ERC2: variants seen among roughly 807,000 people sequenced by gnomAD.
ERC2 encodes ELKS/RAB6-interacting/CAST family member 2, also known as ERC protein 2.
ERC2 carries 42 observed loss-of-function variants against 114.8 expected under a neutral mutation model. That is an observed-to-expected ratio of 0.37 (90% confidence interval 0.29 to 0.47). ERC2 has a LOEUF of 0.47. ERC2 is among the 20% of genes least tolerant of loss of function. ERC2 has a pLI of 0.99. For missense variants in ERC2, 939 were observed against 1,150.7 expected, an observed-to-expected ratio of 0.82 and a Z score of 2.66; for synonymous variants, 454 against 425.5, an observed-to-expected ratio of 1.07 and a Z score of -0.82.
intron 6 of ERC2, among the ~76,000 whole-genome samples, chr3:56,106,939 C>T (rs549299151): frequency 1.2e-4 from 19 of 152,250 alleles, no homozygotes; most frequent in South Asian, 2.1e-4. Flanking sequence ...CTAATCACCA[C>T]GGTGAATCAA....
intron 9 of ERC2, among the ~76,000 whole-genome samples, chr3:56,008,029 G>C (rs1162300771): frequency 6.6e-6 from 1 of 152,078 alleles, no homozygotes; most frequent in African/African-American, 2.4e-5. Context: ...TAAATAACTT[G>C]CATATATCAC....
chr3:55,799,841 C>T (rs2070895562), intron 14 of ERC2, among the ~76,000 whole-genome samples: 1 of 152,196 alleles, frequency 6.6e-6, no homozygotes, highest in South Asian at 2.1e-4. Context: ...CCATTTTGGG[C>T]TCTTCGTTCC....
intron 15 of ERC2, among the ~76,000 whole-genome samples, chr3:55,704,151 C>T (rs2063363006): frequency 2.6e-5 from 4 of 152,170 alleles, no homozygotes; most frequent in Admixed American, 2.6e-4. Flanking sequence ...GCCAGATACT[C>T]CAACTCTTTT....
chr3:56,216,299 G>T (rs2049465901), intron 3 of ERC2, among the ~76,000 whole-genome samples: 1 of 152,146 alleles, frequency 6.6e-6, no homozygotes, highest in Non-Finnish European at 1.5e-5. Flanking sequence ...AATAAAAAAT[G>T]ATAAAGGGGA....
chr3:56,050,026 A>T (rs2075689260), intron 7 of ERC2, among the ~76,000 whole-genome samples: 1 of 152,194 alleles, frequency 6.6e-6, no homozygotes, highest in Non-Finnish European at 1.5e-5. Flanking sequence ...TATTGGGACG[A>T]AGGAGCAGAT....
At chr3:55,543,143 T>A (rs932397773) in intron 17 of ERC2, among the ~76,000 whole-genome samples, 2 of 152,106 alleles carry the variant, frequency 1.3e-5, no homozygotes, top group Admixed American at 6.5e-5. Flanking sequence ...CTGAACTCCA[T>A]CAGACCTCGT....
chr3:55,955,994 G>C (rs1449502618), intron 12 of ERC2, among the ~76,000 whole-genome samples: 2 of 152,156 alleles, frequency 1.3e-5, no homozygotes, highest in African/African-American at 4.8e-5. Context: ...TAGGGTGATT[G>C]TGAGGGGTTG....
At chr3:56,056,580 A>T (rs563967135) in intron 7 of ERC2, among the ~76,000 whole-genome samples, 1 of 152,250 alleles carries the variant, frequency 6.6e-6, no homozygotes, top group Non-Finnish European at 1.5e-5. Context: ...GGGCCTTGTG[A>T]GAGAGTTGGG....
intron 6 of ERC2, among the ~76,000 whole-genome samples, chr3:56,100,640 T>G (rs1300486254): frequency 6.6e-6 from 1 of 152,218 alleles, no homozygotes; most frequent in East Asian, 1.9e-4. Context: ...CTTCCTCATA[T>G]GGCAAATTTC....
chr3:55,699,006 C>T (rs1485197226), intron 16 of ERC2, among the ~76,000 whole-genome samples: 2 of 152,112 alleles, frequency 1.3e-5, no homozygotes, highest in South Asian at 2.1e-4. Context: ...AAGTGCTCAG[C>T]GAACTCAAGG....
intron 17 of ERC2, among the ~76,000 whole-genome samples, chr3:55,665,066 T>G (rs1294070140): frequency 6.6e-6 from 1 of 152,164 alleles, no homozygotes; most frequent in Non-Finnish European, 1.5e-5. Context: ...TGCAGAATAA[T>G]TTTGGGAAGA....
At chr3:55,952,887 C>A (rs2067677264) in intron 12 of ERC2, among the ~76,000 whole-genome samples, 1 of 152,240 alleles carries the variant, frequency 6.6e-6, no homozygotes, top group Admixed American at 6.5e-5. Flanking sequence ...TCCCTTAAAG[C>A]TTTCCTGAAT....
At chr3:56,381,203 C>T (rs2106721003) in intron 2 of ERC2, among the ~76,000 whole-genome samples, 1 of 152,230 alleles carries the variant, frequency 6.6e-6, no homozygotes, top group African/African-American at 2.4e-5. Context: ...CTTCTTATAA[C>T]TTCATTGTCA....
intron 12 of ERC2, among the ~76,000 whole-genome samples, chr3:55,968,469 A>T (rs1348147999): frequency 6.6e-6 from 1 of 152,208 alleles, no homozygotes; most frequent in Admixed American, 6.5e-5. Context: ...ATCTCGATTG[A>T]GCTATTTGCG....
chr3:56,035,948 C>T (rs967566589), intron 7 of ERC2, among the ~76,000 whole-genome samples: 4 of 151,848 alleles, frequency 2.6e-5, no homozygotes, highest in South Asian at 2.1e-4. Flanking sequence ...TGAATATAGA[C>T]GCAAAAATCC....
intron 17 of ERC2, among the ~76,000 whole-genome samples, chr3:55,652,055 A>C (rs191257201): frequency 6.6e-6 from 1 of 152,352 alleles, no homozygotes; most frequent in East Asian, 1.9e-4. Flanking sequence ...GAGCGGGATA[A>C]GCCATTTTCC....
At chr3:55,983,313 A>G (rs1044278589) in intron 12 of ERC2, among the ~76,000 whole-genome samples, 1 of 152,220 alleles carries the variant, frequency 6.6e-6, no homozygotes, top group Non-Finnish European at 1.5e-5. Flanking sequence ...AGATAACCTC[A>G]TCTGTCATAA....
intron 2 of ERC2, among the ~76,000 whole-genome samples, chr3:56,326,011 G>A (rs978741077): frequency 2.0e-5 from 3 of 152,130 alleles, no homozygotes; most frequent in Admixed American, 6.6e-5. Context: ...TACAACCACC[G>A]CCAAGCTCCA....
chr3:56,134,926 TTTTG>T (rs1359416265), intron 6 of ERC2, among the ~76,000 whole-genome samples: 8 of 129,350 alleles, frequency 6.2e-5, no homozygotes, highest in African/African-American at 2.7e-4. Flanking sequence ...TTTTGTTTTT[TTTTG>T]TTTTTGTTTT....
Sources: allele counts gnomAD v4.1 joint callset (sites outside exome capture counted in the v4.1 genomes callset), GRCh38; gene constraint gnomAD v4.1.1; transcripts MANE v1.5; gene names NCBI Gene and HGNC (gene_info 2026-07-23, HGNC 2026-07-21).